GAREM1: variants seen among roughly 807,000 people sequenced by gnomAD.
GAREM1 encodes the protein GRB2 associated regulator of MAPK1 subtype 1, also known as GRB2-associated and regulator of MAPK protein 1.
GAREM1 carries 26 observed loss-of-function variants against 71.3 expected under a neutral mutation model. The observed-to-expected ratio is 0.36, with a 90% CI of 0.27 to 0.51. The LOEUF (loss-of-function observed/expected upper bound fraction) is 0.51, where lower values mean the gene tolerates loss of function less well. Among genes scored for constraint, GAREM1 ranks in the 20% least tolerant of loss-of-function variants. The pLI is 0.95. For missense variants in GAREM1, 1,026 were observed against 1,103.1 expected (o/e 0.93, Z 0.99); for synonymous variants, 440 against 433.2 (o/e 1.02, Z -0.20).
At chr18:32,342,062 A>G (rs2047652952) in intron 2 of GAREM1, among the ~76,000 whole-genome samples, 1 of 152,196 alleles carries the variant, frequency 6.6e-6, no homozygotes, top group African/African-American at 2.4e-5. Context: ...ATGACCTTTG[A>G]GACCTGGCAT....
intron 2 of GAREM1, among the ~76,000 whole-genome samples, chr18:32,374,861 T>C (rs1180671764): frequency 1.3e-5 from 2 of 152,204 alleles, no homozygotes; most frequent in Non-Finnish European, 1.5e-5. Flanking sequence ...GTAGCAGATA[T>C]ATGTATAAGG....
intron 2 of GAREM1, among the ~76,000 whole-genome samples, chr18:32,325,722 AG>A (rs1428624203): frequency 6.6e-6 from 1 of 152,210 alleles, no homozygotes; most frequent in Non-Finnish European, 1.5e-5. Flanking sequence ...TTTGCACAAC[AG>A]GTAGTGTATT....
intron 2 of GAREM1, among the ~76,000 whole-genome samples, chr18:32,366,444 G>A (rs1022685351): frequency 1.4e-4 from 21 of 152,090 alleles, no homozygotes; most frequent in African/African-American, 4.8e-4. Flanking sequence ...ATTAGGGCAA[G>A]GGCTACCCCA....
At chr18:32,384,938 A>G (rs1349201510) in intron 2 of GAREM1, among the ~76,000 whole-genome samples, 2 of 152,218 alleles carry the variant, frequency 1.3e-5, no homozygotes, top group African/African-American at 4.8e-5. Context: ...AAACTATGTT[A>G]CAGCAGCTAT....
intron 1 of GAREM1, among the ~76,000 whole-genome samples, chr18:32,432,325 C>G (rs1417805192): frequency 1.3e-5 from 2 of 151,510 alleles, no homozygotes; most frequent in African/African-American, 4.8e-5. Context: ...AGAAAGGGCT[C>G]AAATCAATCT....
chr18:32,424,148 G>GA (rs1012994907), intron 1 of GAREM1, among the ~76,000 whole-genome samples: 115 of 135,952 alleles, frequency 8.5e-4, no homozygotes, highest in South Asian at 9.3e-4. Flanking sequence ...CCACCAGCCA[G>GA]AAAAAAAAAA....
At position 32,274,165 on chromosome 18, in the gene GAREM1, G is replaced by A. The variant is rs757938033; in HGVS notation, c.1567-3782C>T. 5.3e-5 allele frequency among the ~76,000 whole-genome samples: 8 copies of A among 152,280 alleles called. No homozygotes were observed. The South Asian group carries it at 6.2e-4, about 12-fold the overall frequency. Reference sequence around the variant, plus strand: ...GATGGCCTATTTCTCTGCATCTTAAGGGAAGAATTACATGCTATGGTGGGC... The same window carrying A: ...GATGGCCTATTTCTCTGCATCTTAAAGGAAGAATTACATGCTATGGTGGGC... On this transcript the variant is annotated intron_variant, in intron 4 of 5. Transcript: ENST00000269209.
intron 1 of GAREM1, among the ~76,000 whole-genome samples, chr18:32,419,987 T>C (rs571833172): frequency 6.6e-6 from 1 of 152,312 alleles, no homozygotes; most frequent in South Asian, 2.1e-4. Flanking sequence ...CGTAACAGTA[T>C]AGCCTGCTTC....
intron 2 of GAREM1, among the ~76,000 whole-genome samples, chr18:32,347,346 T>A (rs1850620278): frequency 6.6e-6 from 1 of 151,670 alleles, no homozygotes; most frequent in Non-Finnish European, 1.5e-5. Flanking sequence ...ATAATAATAA[T>A]AAAAATTATA....
rs556761102 is a variant in GAREM1 at position 32,295,152 on chromosome 18, C to A, written c.394-6949G>T. Reference sequence around the variant, plus strand: ...TGATCTCGGCTCGCTGCAACCTCTGCCTCCCGGGTTCAAGTGATTCTACTG... The same window carrying A: ...TGATCTCGGCTCGCTGCAACCTCTGACTCCCGGGTTCAAGTGATTCTACTG... On this transcript the variant is annotated intron_variant, in intron 3 of 5. Transcript: ENST00000269209. Among the ~76,000 whole-genome samples the A allele has an allele frequency of 4.6e-5, 7 of 152,114 alleles. No homozygotes were observed. The East Asian group carries it at 1.2e-3, about 25-fold the overall frequency.
chr18:32,316,864 T>C (rs2047382520), intron 2 of GAREM1, among the ~76,000 whole-genome samples: 1 of 152,236 alleles, frequency 6.6e-6, no homozygotes, highest in Admixed American at 6.5e-5. Flanking sequence ...TGCAACTTCC[T>C]ATTGCAGGAG....
chr18:32,289,983 G>GT (rs906471840), intron 3 of GAREM1, among the ~76,000 whole-genome samples: 169 of 147,986 alleles, frequency 1.1e-3, no homozygotes, highest in African/African-American at 3.6e-3. Flanking sequence ...TTTAAGGTAG[G>GT]TTTTTTTTTG....
intron 2 of GAREM1, among the ~76,000 whole-genome samples, chr18:32,355,650 G>A (rs2047797484): frequency 6.6e-6 from 1 of 151,986 alleles, no homozygotes; most frequent in Admixed American, 6.6e-5. Context: ...TATAAATACG[G>A]GGGAACTTGG....
At position 32,287,086 on chromosome 18, in the gene GAREM1, A is replaced by G; in HGVS notation, c.1511T>C (p.Val504Ala). 2 of 1,614,222 alleles carry G rather than the reference A, an allele frequency of 1.2e-6. No individual in the cohort carries two copies. Among genetic ancestry groups the G allele is most frequent in the South Asian group, 2.2e-5 (2 of 91,090 alleles). Residue 504 changes from valine to alanine, a missense_variant, in exon 4 of 6, where the codon GTG becomes GCG. This residue lies in a region of GAREM1 where 636 missense variants were observed against 631.2 expected (regional missense o/e 1.01). Transcript: ENST00000269209. The surrounding 1 kb of genome is among the most constrained non-coding windows in gnomAD (Gnocchi z 5.9). ...AGGTAGGGCAGTATCTGAAGACTTC[A>G]CTGCTGCTCCCAGAGTCCCAGGGAT... Reference protein sequence around the residue: ...LPIPGTLGAAVKSSDTALPPP... With the variant: ...LPIPGTLGAAAKSSDTALPPP...
At chr18:32,389,387 T>C (rs2144654154) in intron 2 of GAREM1, among the ~76,000 whole-genome samples, 1 of 152,294 alleles carries the variant, frequency 6.6e-6, no homozygotes, top group Non-Finnish European at 1.5e-5. Context: ...CTGAAAGGTG[T>C]TTCTCTTTCG....
intron 1 of GAREM1, among the ~76,000 whole-genome samples, chr18:32,439,246 T>C (rs2048711379): frequency 6.6e-6 from 1 of 152,148 alleles, no homozygotes; most frequent in East Asian, 1.9e-4. Context: ...TCATTACAAT[T>C]TCAGTTATTT....
intron 2 of GAREM1, among the ~76,000 whole-genome samples, chr18:32,315,592 C>T (rs976252053): frequency 2.6e-5 from 4 of 151,066 alleles, no homozygotes; most frequent in East Asian, 1.9e-4. Flanking sequence ...ATGTTTTACA[C>T]TTAGGGATCA....
intron 1 of GAREM1, among the ~76,000 whole-genome samples, chr18:32,420,702 G>C (rs989191313): frequency 1.3e-5 from 2 of 151,124 alleles, no homozygotes; most frequent in African/African-American, 4.9e-5. Context: ...CTTGAGTCCA[G>C]GAGTTTGAGA....
At chr18:32,407,370 T>C (rs777487550) in intron 1 of GAREM1, among the ~76,000 whole-genome samples, 1 of 152,120 alleles carries the variant, frequency 6.6e-6, no homozygotes, top group African/African-American at 2.4e-5. Context: ...TGAGTGGAGG[T>C]TGCAGTGAGC....
Sources: gnomAD v4.1 joint callset for allele counts (sites outside exome capture counted in the v4.1 genomes callset) on GRCh38, gnomAD v4.1.1 for gene constraint, gnomAD v4.1.1 regional missense constraint, Gnocchi (gnomAD v3.1) non-coding constraint, MANE v1.5 for transcripts, NCBI Gene and HGNC (gene_info 2026-07-23, HGNC 2026-07-21) for gene names.